Variants in CAMSAP1 observed in about 807,000 individuals in gnomAD.
CAMSAP1 encodes calmodulin-regulated spectrin-associated protein 1.
Under a neutral mutation model 143.5 loss-of-function variants are expected in CAMSAP1, and 58 were observed. That is an observed-to-expected ratio of 0.40 (90% CI 0.33 to 0.50). CAMSAP1 has a LOEUF of 0.50. Among genes scored for constraint, CAMSAP1 ranks in the 20% least tolerant of loss-of-function variants. The pLI, the probability that CAMSAP1 is intolerant of heterozygous loss-of-function variation, is 0.45. For synonymous variants in CAMSAP1, 945 were observed against 859.3 expected (o/e 1.10, Z -1.74); for missense variants, 1,969 against 2,115.7 (o/e 0.93, Z 1.36).
chr9:135,882,769 C>G lies in CAMSAP1; in HGVS notation c.423+47G>C, dbSNP rs77977538. ...ACCAGGTGCGCCACACGAGAGCCCACGGCTCCAGAGGATGGCCCCTGGGGG... is the reference window on the plus strand; with the variant it reads ...ACCAGGTGCGCCACACGAGAGCCCAGGGCTCCAGAGGATGGCCCCTGGGGG... On this transcript the variant is annotated intron_variant, in intron 2 of 16. Coordinates refer to ENST00000389532, the MANE Select transcript of CAMSAP1 (RefSeq NM_015447.4). The surrounding 1 kb of genome is among the most constrained non-coding windows in gnomAD (Gnocchi z 4.9). 2.6e-3 allele frequency: 3,929 copies of G among 1,524,486 alleles called. 112 individuals are homozygous for G. The African/African-American group carries it at 0.048, about 19-fold the overall frequency. 94.4% of individuals were successfully genotyped at this position (1,524,486 alleles called of 1,614,324 possible).
At chr9:135,857,825 C>T (rs998662566) in intron 5 of CAMSAP1, among the ~76,000 whole-genome samples, 4 of 152,164 alleles carry the variant, frequency 2.6e-5, no homozygotes, top group Admixed American at 6.5e-5. Context: ...AGGAGGAGAA[C>T]CAGTCTCACC....
intron 4 of CAMSAP1, chr9:135,865,278 G>A (rs1837334977): frequency 6.5e-7 from 1 of 1,533,032 alleles, no homozygotes; most frequent in African/African-American, 1.4e-5. Flanking sequence ...GGAAGCAAGT[G>A]ATCGCGACAG....
chr9:135,903,038 G>A (rs1838665085), intron 1 of CAMSAP1, among the ~76,000 whole-genome samples: 1 of 152,186 alleles, frequency 6.6e-6, no homozygotes, highest in African/African-American at 2.4e-5. Flanking sequence ...GTCCTTGAGA[G>A]ATAATAAAAG....
At chr9:135,893,345 AAAAG>A (rs771270912) in intron 1 of CAMSAP1, among the ~76,000 whole-genome samples, 6 of 151,980 alleles carry the variant, frequency 3.9e-5, no homozygotes, top group Non-Finnish European at 7.4e-5. Context: ...ACAAAAAAGA[AAAAG>A]AAAAGGCAGG....
intron 1 of CAMSAP1, among the ~76,000 whole-genome samples, chr9:135,895,197 C>G (rs1838405858): frequency 6.6e-6 from 1 of 152,150 alleles, no homozygotes; most frequent in Admixed American, 6.5e-5. Context: ...AAAATCTTCC[C>G]AAACATGTTG....
At chr9:135,816,255 G>T (rs948468588) in intron 14 of CAMSAP1, among the ~76,000 whole-genome samples, 2 of 152,222 alleles carry the variant, frequency 1.3e-5, no homozygotes, top group African/African-American at 4.8e-5. Flanking sequence ...CTTCACCGAA[G>T]GGGTTCACCT....
In CAMSAP1 at chr9:135,818,941, G is replaced by A. The variant is rs1458998324; in HGVS notation, c.3959+69C>T. ...ATGGTCCATGCTCAGTGCCAGCAAC[G>A]GGACCGGGGCCGCCAGGGACCCACC... On this transcript the variant is annotated intron_variant, in intron 12 of 16. Transcript: ENST00000389532. This position sits in a 1 kb window ranked among gnomAD's most constrained non-coding sequence, Gnocchi z 7.7. 2.6e-6 allele frequency: 4 copies of A among 1,566,026 alleles called. No homozygotes were observed. Among genetic ancestry groups the A allele is most frequent in the East Asian group, 2.3e-5 (1 of 42,658 alleles).
intron 1 of CAMSAP1, among the ~76,000 whole-genome samples, chr9:135,892,415 CA>C (rs1838316081): frequency 6.6e-6 from 1 of 152,110 alleles, no homozygotes; most frequent in Admixed American, 6.5e-5. Context: ...AGAAAAAGAA[CA>C]AAATAGGCTG....
At chr9:135,828,661 G>A (rs573149624) in intron 7 of CAMSAP1, among the ~76,000 whole-genome samples, 1 of 152,316 alleles carries the variant, frequency 6.6e-6, no homozygotes, top group African/African-American at 2.4e-5. Flanking sequence ...CTACAGAGGA[G>A]GGCTTCCCTC....
intron 7 of CAMSAP1, among the ~76,000 whole-genome samples, chr9:135,843,829 G>A (rs978179823): frequency 2.8e-5 from 4 of 143,196 alleles, no homozygotes; most frequent in South Asian, 2.2e-4. Flanking sequence ...AGCCAAGATC[G>A]CGCCACTGCT....
intron 7 of CAMSAP1, among the ~76,000 whole-genome samples, chr9:135,842,275 T>C (rs1296443934): frequency 2.0e-5 from 3 of 151,862 alleles, no homozygotes; most frequent in Non-Finnish European, 2.9e-5. Flanking sequence ...CTTAATGAAA[T>C]AAAGCATGAA....
At chr9:135,846,644 A>C (rs1029682610) in intron 7 of CAMSAP1, among the ~76,000 whole-genome samples, 5 of 151,544 alleles carry the variant, frequency 3.3e-5, no homozygotes, top group African/African-American at 1.2e-4. Flanking sequence ...ACAAAGGGCT[A>C]ATATCCAGAA....
chr9:135,878,315 AGAG>A (rs1231112967), intron 3 of CAMSAP1, among the ~76,000 whole-genome samples: 5 of 152,192 alleles, frequency 3.3e-5, no homozygotes, highest in Non-Finnish European at 7.3e-5. Context: ...GGGATGCCAC[AGAG>A]GAGGAGAGAC....
chr9:135,903,079 G>A (rs1588516202), intron 1 of CAMSAP1, among the ~76,000 whole-genome samples: 1 of 152,166 alleles, frequency 6.6e-6, no homozygotes, highest in Admixed American at 6.5e-5. Context: ...CTGAAACCAA[G>A]GCCTAGATAC....
intron 1 of CAMSAP1, among the ~76,000 whole-genome samples, chr9:135,895,399 T>A (rs1838416063): frequency 6.6e-6 from 1 of 152,134 alleles, no homozygotes; most frequent in Non-Finnish European, 1.5e-5. Flanking sequence ...CATCTGAAGC[T>A]ATGGAGGCCA....
chr9:135,873,663 A>G (rs539063748), intron 3 of CAMSAP1, among the ~76,000 whole-genome samples: 1 of 152,292 alleles, frequency 6.6e-6, no homozygotes, highest in East Asian at 1.9e-4. Flanking sequence ...AATAAATTCA[A>G]CTACTTAAAT....
At chr9:135,814,076 A>G (rs529244935) in intron 16 of CAMSAP1, among the ~76,000 whole-genome samples, 14 of 152,246 alleles carry the variant, frequency 9.2e-5, no homozygotes, top group African/African-American at 3.4e-4. Context: ...ATGCAGGGTG[A>G]TCCTGGGGGC....
At chr9:135,898,854 C>G (rs1838532624) in intron 1 of CAMSAP1, among the ~76,000 whole-genome samples, 1 of 152,220 alleles carries the variant, frequency 6.6e-6, no homozygotes, top group South Asian at 2.1e-4. Flanking sequence ...TAATCCCAAG[C>G]ACAGCTGTTT....
intron 1 of CAMSAP1, among the ~76,000 whole-genome samples, chr9:135,888,931 A>C (rs1270964588): frequency 1.3e-5 from 2 of 152,188 alleles, no homozygotes; most frequent in East Asian, 1.9e-4. Flanking sequence ...CACACCCCAC[A>C]GGGCGCTGGC....
Sources: gnomAD v4.1 joint callset for allele counts (sites outside exome capture counted in the v4.1 genomes callset) on GRCh38, gnomAD v4.1.1 for gene constraint, Gnocchi (gnomAD v3.1) non-coding constraint, MANE v1.5 for transcripts, NCBI Gene and HGNC (gene_info 2026-07-23, HGNC 2026-07-21) for gene names.